Variants in RBFOX1 observed in about 807,000 individuals in gnomAD.
RBFOX1 encodes the protein RNA binding fox-1 homolog 1, also known as RNA binding protein fox-1 homolog 1.
Under a neutral mutation model 57.7 loss-of-function variants are expected in RBFOX1, and 8 were observed. The ratio of observed to expected loss-of-function variants is 0.14; its 90% CI spans 0.08 to 0.25. RBFOX1 has a LOEUF of 0.25. Ranked by LOEUF, RBFOX1 falls within the 10% of genes least tolerant of loss-of-function variation. RBFOX1 has a pLI of 1.00. For synonymous variants in RBFOX1, 326 were observed against 222.4 expected, an observed-to-expected ratio of 1.47 and a Z score of -4.15; for missense variants, 611 against 548.5, an observed-to-expected ratio of 1.11 and a Z score of -1.14.
At chr16:5,429,582 C>A (rs12445051) in intron 1 of RBFOX1, among the ~76,000 whole-genome samples, 1,746 of 152,070 alleles carry the variant, frequency 0.011, 38 homozygotes, top group African/African-American at 0.04. Flanking sequence ...AGCTGGCTCG[C>A]AGGTGGAATA....
At chr16:6,442,764 C>T (rs2153030088) in intron 2 of RBFOX1, among the ~76,000 whole-genome samples, 1 of 152,160 alleles carries the variant, frequency 6.6e-6, no homozygotes, top group Middle Eastern at 3.4e-3. Context: ...GACAGCGTCC[C>T]CTTCTCTTGT....
intron 3 of RBFOX1, among the ~76,000 whole-genome samples, chr16:5,780,638 C>G (rs766850617): frequency 5.0e-4 from 76 of 152,116 alleles, no homozygotes; most frequent in Non-Finnish European, 4.1e-4. Context: ...TTTTCATAGG[C>G]AAAGTAGGCT....
At chr16:6,285,574 C>G (rs555412658) in intron 1 of RBFOX1, among the ~76,000 whole-genome samples, 35 of 152,266 alleles carry the variant, frequency 2.3e-4, no homozygotes, top group Middle Eastern at 3.4e-3. Flanking sequence ...CTCACAGATT[C>G]TGAGATGCAT....
chr16:6,587,097 C>T (rs2153983293), intron 2 of RBFOX1, among the ~76,000 whole-genome samples: 1 of 152,144 alleles, frequency 6.6e-6, no homozygotes, highest in African/African-American at 2.4e-5. Flanking sequence ...TAACTGTAGT[C>T]ACCATGATGT....
intron 2 of RBFOX1, among the ~76,000 whole-genome samples, chr16:6,536,389 C>A (rs929004055): frequency 6.6e-6 from 1 of 152,192 alleles, no homozygotes; most frequent in Non-Finnish European, 1.5e-5. Context: ...ATGTTTTGCA[C>A]ATTCTAATTT....
At chr16:6,752,774 T>C (rs150659175) in intron 3 of RBFOX1, among the ~76,000 whole-genome samples, 1 of 151,680 alleles carries the variant, frequency 6.6e-6, no homozygotes, top group Middle Eastern at 3.4e-3. Context: ...ACTTCCATCC[T>C]TTCCTGCTGG....
At chr16:7,433,495 G>A (rs2098698407) in intron 4 of RBFOX1, among the ~76,000 whole-genome samples, 1 of 152,236 alleles carries the variant, frequency 6.6e-6, no homozygotes. Flanking sequence ...ATAATGCTGT[G>A]TTGGAGTACA....
intron 2 of RBFOX1, among the ~76,000 whole-genome samples, chr16:6,569,924 C>T (rs1224567074): frequency 4.6e-5 from 7 of 152,180 alleles, no homozygotes; most frequent in South Asian, 2.1e-4. Flanking sequence ...CTGTACAATT[C>T]ACTTGTCCTC....
At chr16:5,632,125 C>T (rs1246099093) in intron 3 of RBFOX1, among the ~76,000 whole-genome samples, 1 of 152,202 alleles carries the variant, frequency 6.6e-6, no homozygotes, top group Non-Finnish European at 1.5e-5. Context: ...GAGGCCTCTT[C>T]ACAAAGGACA....
At chr16:6,507,507 C>CAAA (rs57685233) in intron 2 of RBFOX1, among the ~76,000 whole-genome samples, 22,693 of 96,602 alleles carry the variant, frequency 0.23, 3,901 homozygotes, top group Non-Finnish European at 0.28. Context: ...CCTATCTGTA[C>CAAA]AAAAAAAAAA....
At position 6,379,426 on chromosome 16, in the gene RBFOX1, T is replaced by G. The variant is rs866890271; in HGVS notation, c.-64+62369T>G. ...ATGGCCCCCGCCCCCCTACTTTCAC[T>G]TTCACTTGTCTCAGTGAACTATATC... On this transcript the variant is annotated intron_variant, in intron 2 of 15. Transcript: ENST00000550418. 8.3e-4 allele frequency among the ~76,000 whole-genome samples: 127 copies of G among 152,244 alleles called. 1 individual carries two copies. Among genetic ancestry groups the G allele is most frequent in the African/African-American group, 2.9e-3 (120 of 41,556 alleles).
chr16:5,874,912 C>A (rs976864124), intron 4 of RBFOX1, among the ~76,000 whole-genome samples: 2 of 152,064 alleles, frequency 1.3e-5, no homozygotes, highest in African/African-American at 2.4e-5. Flanking sequence ...CACCACTGGA[C>A]CCCTGTCTTG....
chr16:5,630,456 CG>C (rs1277217679), intron 3 of RBFOX1, among the ~76,000 whole-genome samples: 114 of 149,336 alleles, frequency 7.6e-4, no homozygotes, highest in African/African-American at 2.6e-3. Context: ...GACTCTGTCT[CG>C]AAAAAAAAGA....
chr16:7,551,097 A>AG (rs1214237189), intron 5 of RBFOX1, among the ~76,000 whole-genome samples: 1 of 151,186 alleles, frequency 6.6e-6, no homozygotes, highest in Non-Finnish European at 1.5e-5. Context: ...TCAAAAAAAA[A>AG]AAAAAAAAGA....
At chr16:6,402,454 C>T (rs2093113077) in intron 2 of RBFOX1, among the ~76,000 whole-genome samples, 1 of 152,124 alleles carries the variant, frequency 6.6e-6, no homozygotes, top group Non-Finnish European at 1.5e-5. Context: ...TCTTTTAATG[C>T]ACTTTCATTG....
chr16:7,459,288 G>C (rs2059119694), intron 4 of RBFOX1, among the ~76,000 whole-genome samples: 1 of 152,160 alleles, frequency 6.6e-6, no homozygotes, highest in Non-Finnish European at 1.5e-5. Context: ...ATTATGTTTT[G>C]AGACACACTT....
At chr16:6,015,080 C>G (rs990338812), upstream of RBFOX1, among the ~76,000 whole-genome samples, 3 of 152,124 alleles carry the variant, frequency 2.0e-5, no homozygotes, top group African/African-American at 7.2e-5. Flanking sequence ...TGGTCTCAAA[C>G]TCCTAGGCTC....
In RBFOX1 at chr16:7,246,492, C is replaced by G. The variant is rs889334032; in HGVS notation, c.27+194394C>G. On this transcript the variant is annotated intron_variant, in intron 4 of 15. Coordinates refer to ENST00000550418, the MANE Select transcript of RBFOX1 (RefSeq NM_018723.4). ...GTTTTGCTTTCAGGCTCTGCATTAT[C>G]TGGCCTCTCTCCAGTCTCTCCCTTA... 3.3e-5 allele frequency among the ~76,000 whole-genome samples: 5 copies of G among 152,208 alleles called. No individual in the cohort carries two copies. The East Asian group carries it at 5.8e-4, about 18-fold the overall frequency.
intron 3 of RBFOX1, among the ~76,000 whole-genome samples, chr16:6,747,474 GTTTA>G (rs746054522): frequency 7.1e-6 from 1 of 141,000 alleles, no homozygotes; most frequent in East Asian, 2.0e-4. Context: ...CTGTCTGTCT[GTTTA>G]TCTATCTGTC....
Sources: gnomAD v4.1 joint callset for allele counts (sites outside exome capture counted in the v4.1 genomes callset) on GRCh38, gnomAD v4.1.1 for gene constraint, MANE v1.5 for transcripts, NCBI Gene and HGNC (gene_info 2026-07-23, HGNC 2026-07-21) for gene names.